Variants in HHIP observed in about 807,000 individuals in gnomAD.
HHIP encodes the protein hedgehog-interacting protein.
HHIP carries 12 observed loss-of-function variants against 74.0 expected under a neutral mutation model. The observed-to-expected ratio is 0.16, with a 90% CI of 0.10 to 0.26. The LOEUF (loss-of-function observed/expected upper bound fraction) is 0.26, where lower values mean the gene tolerates loss of function less well. HHIP is among the 10% of genes least tolerant of loss of function. The probability of loss-of-function intolerance (pLI) is 1.00; values close to 1 mark genes in which losing one functional copy is unlikely to be tolerated. For missense variants in HHIP, 788 were observed against 845.0 expected (o/e 0.93, Z 0.84); for synonymous variants, 309 against 311.6 (o/e 0.99, Z 0.09).
chr4:144,680,972 C>A (rs1472172), intron 4 of HHIP, among the ~76,000 whole-genome samples: 8,350 of 152,194 alleles, frequency 0.055, 281 homozygotes, highest in African/African-American at 0.11. Flanking sequence ...ATAGGAACTT[C>A]TCATTAACTA....
At chr4:144,692,414 G>A (rs531894173) in intron 4 of HHIP, among the ~76,000 whole-genome samples, 2 of 152,144 alleles carry the variant, frequency 1.3e-5, no homozygotes. Context: ...TCTTTTTCCC[G>A]AAGAATCATA....
intron 4 of HHIP, among the ~76,000 whole-genome samples, chr4:144,663,216 C>T (rs1270380126): frequency 6.6e-6 from 1 of 152,106 alleles, no homozygotes; most frequent in Non-Finnish European, 1.5e-5. Flanking sequence ...TTGAACTGAA[C>T]CTGGGAGGCG....
In HHIP at chr4:144,718,724, C is replaced by T; in HGVS notation, c.1679-151C>T. 8 of 653,324 alleles carry T rather than the reference C, an allele frequency of 1.2e-5. No homozygotes were observed. The South Asian group carries it at 1.4e-4, about 11-fold the overall frequency. The allele number at this position is 653,324 out of a possible 1,614,324, so 40.5% of individuals were successfully genotyped here. ...TGGAATTCTGGATGCACTGTAAAGG[C>T]AGACATGTGAGACTCTTGCATAATC... On this transcript the variant is annotated intron_variant, in intron 10 of 12. Coordinates refer to ENST00000296575, the MANE Select transcript of HHIP (RefSeq NM_022475.3).
At chr4:144,665,963 G>A (rs150456235) in intron 4 of HHIP, among the ~76,000 whole-genome samples, 6 of 152,100 alleles carry the variant, frequency 3.9e-5, no homozygotes, top group African/African-American at 1.4e-4. Context: ...GCAATCTCAT[G>A]GTAATCACTT....
intron 12 of HHIP, among the ~76,000 whole-genome samples, chr4:144,735,230 G>C (rs538154108): frequency 6.6e-6 from 1 of 152,112 alleles, no homozygotes; most frequent in East Asian, 1.9e-4. Context: ...ATGACTTAGT[G>C]TTTGCAAAGC....
At position 144,724,692 on chromosome 4, in the gene HHIP, A is replaced by ATG. The variant is rs1295955487; in HGVS notation, c.1760+5737_1760+5738insGT. Among the ~76,000 whole-genome samples the ATG allele has an allele frequency of 2.8e-3, 270 of 97,298 alleles. 2 individuals carry two copies. The highest frequency in any genetic ancestry group is 7.9e-3 in the African/African-American group (250 of 31,822). The allele number at this position is 97,298 out of a possible 152,430, so 63.8% of individuals were successfully genotyped here. On this transcript the variant is annotated intron_variant, in intron 11 of 12. Transcript: ENST00000296575. Reference sequence around the variant, plus strand: ...TGTATATATATATATTTATATATATATATAAGTATATATATATGTATGTAT... The same window carrying ATG: ...TGTATATATATATATTTATATATATATGTATAAGTATATATATATGTATGTAT...
intron 4 of HHIP, among the ~76,000 whole-genome samples, chr4:144,683,679 GT>G (rs1425602769): frequency 1.3e-5 from 2 of 152,096 alleles, no homozygotes; most frequent in African/African-American, 4.8e-5. Flanking sequence ...CCTGTAGCCT[GT>G]TTTTGTAAAT....
intron 4 of HHIP, 44 bp downstream of exon 4, chr4:144,659,882 AT>A: frequency 7.0e-7 from 1 of 1,434,288 alleles, no homozygotes; most frequent in Non-Finnish European, 9.8e-7. Context: ...GGCTACGTTA[AT>A]TTTATTTTAG....
intron 4 of HHIP, among the ~76,000 whole-genome samples, chr4:144,692,919 T>G (rs1031465782): frequency 6.6e-6 from 1 of 152,140 alleles, no homozygotes; most frequent in Non-Finnish European, 1.5e-5. Context: ...AGCAAGGTAG[T>G]CTGGATCCCT....
Position 144,658,765 on chromosome 4 carries a change from A to G in HHIP, c.473-25A>G, listed in dbSNP as rs1578679075. ...TTTACTATGACATTAGGTGCTTCTAATGAGTCTTTTTATATTTTTTAAAGG... is the reference window on the plus strand; with the variant it reads ...TTTACTATGACATTAGGTGCTTCTAGTGAGTCTTTTTATATTTTTTAAAGG... On this transcript the variant is annotated intron_variant, in intron 2 of 12. Coordinates refer to ENST00000296575, the MANE Select transcript of HHIP (RefSeq NM_022475.3). 3 of 1,597,550 alleles carry G rather than the reference A, an allele frequency of 1.9e-6. No individual in the cohort carries two copies. The East Asian group carries it at 6.7e-5, about 36-fold the overall frequency.
At chr4:144,676,703 T>A (rs1409115899) in intron 4 of HHIP, among the ~76,000 whole-genome samples, 1 of 152,106 alleles carries the variant, frequency 6.6e-6, no homozygotes, top group Admixed American at 6.5e-5. Context: ...TGTGCTTTCA[T>A]CAGAGGAAGG....
At chr4:144,672,910 CA>C (rs1729080086) in intron 4 of HHIP, among the ~76,000 whole-genome samples, 1 of 152,158 alleles carries the variant, frequency 6.6e-6, no homozygotes, top group Non-Finnish European at 1.5e-5. Flanking sequence ...CCATATTGGC[CA>C]GGCTGGAACT....
At chr4:144,670,467 A>AT (rs2126605375) in intron 4 of HHIP, among the ~76,000 whole-genome samples, 1 of 151,792 alleles carries the variant, frequency 6.6e-6, no homozygotes, top group South Asian at 2.1e-4. Flanking sequence ...AAAAAAAAAA[A>AT]AAAAGCTAAA....
intron 1 of HHIP, among the ~76,000 whole-genome samples, chr4:144,651,224 T>C (rs1245280718): frequency 4.6e-5 from 7 of 152,230 alleles, no homozygotes; most frequent in South Asian, 2.1e-4. Context: ...ATTTAAGCAA[T>C]TGTTATTTAA....
rs766969894 is a variant in HHIP at position 144,646,715 on chromosome 4, G to A, written c.40G>A (p.Val14Met). The A allele has an allele frequency of 1.2e-6, 2 of 1,614,172 alleles. No individual in the cohort carries two copies. Among genetic ancestry groups the A allele is most frequent in the Non-Finnish European group, 1.7e-6 (2 of 1,180,016 alleles). Residue 14 changes from valine (V) to methionine (M), a missense_variant, in exon 1 of 13, where the codon GTG becomes ATG. By Grantham distance (21) the Val-to-Met change is conservative. Coordinates refer to ENST00000296575, the MANE Select transcript of HHIP (RefSeq NM_022475.3). ...MLSFKLLLLA[V>M]ALGFFEGDAK... ...CTCCTTTAAGCTGCTGCTGCTGGCC[G>A]TGGCTCTGGGCTTCTTTGAAGGAGA...
intron 4 of HHIP, among the ~76,000 whole-genome samples, chr4:144,660,842 A>G (rs60684117): frequency 1.3e-5 from 2 of 152,072 alleles, no homozygotes; most frequent in African/African-American, 4.8e-5. Context: ...CTGGTCATGG[A>G]TGACTTCCTT....
chr4:144,703,487 G>A (rs1209686110), intron 4 of HHIP, among the ~76,000 whole-genome samples: 2 of 152,180 alleles, frequency 1.3e-5, no homozygotes. Context: ...GGGGTAGGAT[G>A]AGAAGGGGTT....
chr4:144,672,377 G>C (rs1417257670), intron 4 of HHIP, among the ~76,000 whole-genome samples: 1 of 152,170 alleles, frequency 6.6e-6, no homozygotes, highest in Non-Finnish European at 1.5e-5. Context: ...ATAATGTCTT[G>C]AATGTACAGG....
chr4:144,698,832 GA>G (rs1297491173), intron 4 of HHIP, among the ~76,000 whole-genome samples: 1 of 152,032 alleles, frequency 6.6e-6, no homozygotes, highest in Non-Finnish European at 1.5e-5. Context: ...AAGTTTAGTA[GA>G]AAAAACAAGT....
Sources: gnomAD v4.1 joint callset for allele counts (sites outside exome capture counted in the v4.1 genomes callset) on GRCh38, gnomAD v4.1.1 for gene constraint, MANE v1.5 for transcripts, NCBI Gene and HGNC (gene_info 2026-07-23, HGNC 2026-07-21) for gene names.